Variants in PPARGC1B observed in about 807,000 individuals in gnomAD.
PPARGC1B encodes the protein PPARG coactivator 1 beta, also known as peroxisome proliferator-activated receptor gamma coactivator 1-beta.
PPARGC1B carries 34 observed loss-of-function variants against 101.6 expected under a neutral mutation model. The observed-to-expected ratio is 0.33, with a 90% CI of 0.25 to 0.45. PPARGC1B has a LOEUF of 0.45. Among genes scored for constraint, PPARGC1B ranks in the 20% least tolerant of loss-of-function variants. PPARGC1B has a pLI of 1.00. For synonymous variants in PPARGC1B, 548 were observed against 539.3 expected (o/e 1.02, Z -0.22); for missense variants, 1,234 against 1,317.6 (o/e 0.94, Z 0.98).
intron 1 of PPARGC1B, chr5:149,761,757 G>T (rs1581023903): frequency 6.6e-6 from 1 of 152,142 alleles, no homozygotes; most frequent in East Asian, 1.9e-4. Flanking sequence ...TGTTACTCTT[G>T]TAGAATGTAG....
At chr5:149,779,284 G>T (rs1488830290) in intron 1 of PPARGC1B, among the ~76,000 whole-genome samples, 2 of 152,206 alleles carry the variant, frequency 1.3e-5, no homozygotes, top group Admixed American at 1.3e-4. Context: ...GTTCAGTGGG[G>T]TGAGTGCATA....
intron 1 of PPARGC1B, among the ~76,000 whole-genome samples, chr5:149,802,915 G>T (rs1243288507): frequency 6.6e-6 from 1 of 152,168 alleles, no homozygotes; most frequent in Admixed American, 6.5e-5. Flanking sequence ...ACCACAACAT[G>T]AGTAGCATAG....
At chr5:149,767,139 G>T (rs1405558910) in intron 1 of PPARGC1B, among the ~76,000 whole-genome samples, 3 of 152,184 alleles carry the variant, frequency 2.0e-5, no homozygotes, top group African/African-American at 7.2e-5. Flanking sequence ...CTGTAAAGTT[G>T]GGCATCTCGG....
chr5:149,757,997 C>G (rs555046762), intron 1 of PPARGC1B, among the ~76,000 whole-genome samples: 2 of 152,344 alleles, frequency 1.3e-5, no homozygotes, highest in South Asian at 4.1e-4. Context: ...GGATTAATCT[C>G]TCCTAGTAAC....
At chr5:149,748,328 T>G (rs1469538485) in intron 1 of PPARGC1B, among the ~76,000 whole-genome samples, 1 of 151,492 alleles carries the variant, frequency 6.6e-6, no homozygotes, top group African/African-American at 2.4e-5. Context: ...GATATATCTA[T>G]ATATATATAT....
intron 1 of PPARGC1B, among the ~76,000 whole-genome samples, chr5:149,774,055 G>A (rs1425046682): frequency 6.6e-6 from 1 of 152,180 alleles, no homozygotes; most frequent in Non-Finnish European, 1.5e-5. Flanking sequence ...GGCCACTGTA[G>A]CACCAGTTAA....
intron 1 of PPARGC1B, among the ~76,000 whole-genome samples, chr5:149,782,242 G>A (rs950880117): frequency 7.9e-5 from 12 of 152,142 alleles, no homozygotes; most frequent in African/African-American, 2.9e-4. Context: ...TCGGATCCCT[G>A]TCACTCATTT....
At chr5:149,766,242 G>C (rs1755909704) in intron 1 of PPARGC1B, among the ~76,000 whole-genome samples, 1 of 152,138 alleles carries the variant, frequency 6.6e-6, no homozygotes, top group Non-Finnish European at 1.5e-5. Flanking sequence ...ATGTGGTTTA[G>C]GCAACAAGGT....
At chr5:149,734,448 C>T (rs1405628982) in intron 1 of PPARGC1B, among the ~76,000 whole-genome samples, 1 of 150,592 alleles carries the variant, frequency 6.6e-6, no homozygotes, top group East Asian at 1.9e-4. Context: ...CATCTTTCCA[C>T]ATCAGTAAAT....
chr5:149,738,042 G>A (rs1448078265), intron 1 of PPARGC1B, among the ~76,000 whole-genome samples: 2 of 152,110 alleles, frequency 1.3e-5, no homozygotes, highest in Non-Finnish European at 2.9e-5. Context: ...TGACAACATG[G>A]ATTTAAAGCA....
intron 1 of PPARGC1B, among the ~76,000 whole-genome samples, chr5:149,778,792 C>G (rs998060397): frequency 6.6e-6 from 1 of 152,156 alleles, no homozygotes; most frequent in African/African-American, 2.4e-5. Flanking sequence ...TAAAACCTGG[C>G]ACTCATGGCC....
Position 149,835,288 on chromosome 5 carries a change from C to G in PPARGC1B, c.1743-13C>G. The G allele has an allele frequency of 6.2e-7, 1 of 1,613,974 alleles. No homozygotes were observed. Reference sequence around the variant, plus strand: ...CTTGCTTCTTTCCTTTCTGTCCTCCCTGCCTCCACCAGCGACCCAACTTTT... The same window carrying G: ...CTTGCTTCTTTCCTTTCTGTCCTCCGTGCCTCCACCAGCGACCCAACTTTT... On this transcript the variant is annotated splice_polypyrimidine_tract_variant and intron_variant, in intron 6 of 11. Coordinates refer to ENST00000309241, the MANE Select transcript of PPARGC1B (RefSeq NM_133263.4).
chr5:149,815,829 G>A (rs1158069617), intron 1 of PPARGC1B, among the ~76,000 whole-genome samples: 5 of 152,194 alleles, frequency 3.3e-5, no homozygotes, highest in Non-Finnish European at 7.3e-5. Context: ...TTACAGGTGT[G>A]AGCCACCGCG....
At chr5:149,767,548 T>A (rs1755957756) in intron 1 of PPARGC1B, among the ~76,000 whole-genome samples, 3 of 152,134 alleles carry the variant, frequency 2.0e-5, no homozygotes. Flanking sequence ...GGAGCATCAT[T>A]CCCATTGTAG....
rs1420543814 is a variant in PPARGC1B at position 149,836,616 on chromosome 5, G to C, written c.2161G>C (p.Asp721His). 1.7e-5 allele frequency: 27 copies of C among 1,613,726 alleles called. No individual in the cohort carries two copies. The highest frequency in any genetic ancestry group is 2.3e-5 in the Non-Finnish European group (27 of 1,180,038). ...GGAGCCGTCTGGGGTTCACCTTGAG[G>C]ACTGGCCCCAGCAGGGTGCCCCTTG... ...SWEPSGVHLE[D>H]WPQQGAPWAE... Residue 721 changes from aspartate (D) to histidine (H), a missense_variant, in exon 8 of 12, where the codon GAC (aspartate) becomes CAC (histidine). This residue lies in a region of PPARGC1B where 497 missense variants were observed against 529.5 expected (regional missense o/e 0.94). Coordinates refer to ENST00000309241, the MANE Select transcript of PPARGC1B (RefSeq NM_133263.4).
chr5:149,754,774 ATTTTTTTTT>A (rs10560122), intron 1 of PPARGC1B, among the ~76,000 whole-genome samples: 53 of 68,466 alleles, frequency 7.7e-4, no homozygotes, highest in Admixed American at 4.8e-3. Context: ...GAGCATCCTG[ATTTTTTTTT>A]TTTTTTTTTT....
chr5:149,777,777 T>G (rs1029820639), intron 1 of PPARGC1B, among the ~76,000 whole-genome samples: 1 of 140,070 alleles, frequency 7.1e-6, no homozygotes, highest in Non-Finnish European at 1.5e-5. Flanking sequence ...TTAAAAACTG[T>G]CTTTGTAACA....
intron 1 of PPARGC1B, among the ~76,000 whole-genome samples, chr5:149,785,915 C>CTT (rs10622982): frequency 0.012 from 1,657 of 140,300 alleles, 22 homozygotes; most frequent in African/African-American, 0.025. Context: ...GACACTCATT[C>CTT]TTTTTTTTTT....
intron 1 of PPARGC1B, among the ~76,000 whole-genome samples, chr5:149,771,674 A>G (rs746707702): frequency 2.6e-5 from 4 of 152,212 alleles, no homozygotes; most frequent in Non-Finnish European, 4.4e-5. Flanking sequence ...TTCCTCTGCC[A>G]GTTTTCATGA....
Sources: allele counts gnomAD v4.1 joint callset (sites outside exome capture counted in the v4.1 genomes callset), GRCh38; gene constraint gnomAD v4.1.1; regional missense constraint gnomAD v4.1.1; transcripts MANE v1.5; gene names NCBI Gene and HGNC (gene_info 2026-07-23, HGNC 2026-07-21).